Variants in PKHD1 observed in about 807,000 individuals in gnomAD.
The protein encoded by PKHD1 is PKHD1 ciliary IPT domain containing fibrocystin/polyductin, also known as fibrocystin.
Under a neutral mutation model 412.0 loss-of-function variants are expected in PKHD1, and 291 were observed. The ratio of observed to expected loss-of-function variants is 0.71; its 90% CI spans 0.64 to 0.78. The LOEUF is 0.78. Ranked by LOEUF, PKHD1 falls within the 30% of genes least tolerant of loss-of-function variation. The pLI is 0.00. For synonymous variants in PKHD1, 1,777 were observed against 1,821.5 expected (o/e 0.98, Z 0.62); for missense variants, 4,825 against 4,950.7 (o/e 0.97, Z 0.76).
chr6:51,763,220 C>G (rs1235888830), intron 55 of PKHD1, among the ~76,000 whole-genome samples: 2 of 151,938 alleles, frequency 1.3e-5, no homozygotes, highest in Non-Finnish European at 2.9e-5. Flanking sequence ...GTTTTCATAT[C>G]CATAAAATGC....
In PKHD1 at chr6:51,618,891, T is replaced by C. The variant is rs2150237690; in HGVS notation, c.*190A>G. On this transcript the variant is annotated 3_prime_UTR_variant, in exon 67 of 67. Transcript: ENST00000371117. The stretch of plus-strand genomic sequence containing the variant: ...CTAGGATCATGATAGCTGCAAAATA[T>C]GTATGAGACATTTTTCAGTCTGTAA... 1.6e-6 allele frequency: 1 copy of C among 629,880 alleles called. No individual in the cohort carries two copies. Among genetic ancestry groups the C allele is most frequent in the South Asian group, 1.9e-5 (1 of 53,218 alleles). The allele number at this position is 629,880 out of a possible 1,614,324, so 39.0% of individuals were successfully genotyped here.
At position 52,025,851 on chromosome 6, in the gene PKHD1, C is replaced by A. The variant is rs1235310911; in HGVS notation, c.3959G>T (p.Gly1320Val). The A allele has an allele frequency of 2.5e-6, 4 of 1,614,024 alleles. No individual in the cohort carries two copies. Among genetic ancestry groups the A allele is most frequent in the Non-Finnish European group, 3.4e-6 (4 of 1,180,038 alleles). Residue 1320 changes from glycine to valine, a missense_variant, in exon 32 of 67, where the codon GGA (glycine) becomes GTA (valine). Coordinates refer to ENST00000371117, the MANE Select transcript of PKHD1 (RefSeq NM_138694.4). ...GACTGAGTTGGAGAGGTTACTTCCT[C>A]CCACATGCAGGCTCAGGCTGCTATT... is the stretch of plus-strand genomic sequence containing the variant. ...ITNSSLSLHVGGSNLSNSVIL... is the reference protein window; with the variant it reads ...ITNSSLSLHVVGSNLSNSVIL...
At position 52,035,578 on chromosome 6, in the gene PKHD1, G is replaced by A. The variant is rs753873714; in HGVS notation, c.3228+13C>T. On this transcript the variant is annotated intron_variant, in intron 28 of 66. Transcript: ENST00000371117. The stretch of plus-strand genomic sequence containing the variant: ...CACCCAGAGAGAAAGAGATATGAAA[G>A]GAATCCACTTACCCTGGGTGGAACT... 4 of 1,612,096 alleles carry A rather than the reference G, an allele frequency of 2.5e-6. No homozygotes were observed. In the African/African-American group the frequency reaches 4.0e-5, roughly 16 times the overall value.
chr6:51,780,113 T>C (rs1791731217), intron 53 of PKHD1, among the ~76,000 whole-genome samples: 1 of 152,062 alleles, frequency 6.6e-6, no homozygotes, highest in Admixed American at 6.6e-5. Context: ...AGCAGCCAGA[T>C]GTGGTGGCTC....
At chr6:52,027,108 A>T (rs576479217) in intron 31 of PKHD1, among the ~76,000 whole-genome samples, 1 of 152,338 alleles carries the variant, frequency 6.6e-6, no homozygotes, top group South Asian at 2.1e-4. Context: ...GAAGACCCGC[A>T]GATTCAATCC....
At chr6:51,676,709 T>A (rs1775912085) in intron 60 of PKHD1, among the ~76,000 whole-genome samples, 1 of 152,208 alleles carries the variant, frequency 6.6e-6, no homozygotes, top group African/African-American at 2.4e-5. Flanking sequence ...CCTCAGGCTA[T>A]GAGGAGTGAA....
intron 53 of PKHD1, among the ~76,000 whole-genome samples, chr6:51,778,223 C>T (rs1049949927): frequency 1.3e-5 from 2 of 152,064 alleles, no homozygotes; most frequent in South Asian, 2.1e-4. Flanking sequence ...ATACGCAGCT[C>T]ATCCTTGGTT....
intron 34 of PKHD1, among the ~76,000 whole-genome samples, chr6:52,013,561 C>A (rs1800068505): frequency 6.6e-6 from 1 of 151,936 alleles, no homozygotes. Flanking sequence ...GCACAGTTGG[C>A]CATATTTAAA....
At chr6:51,849,327 C>T (rs186745401) in intron 49 of PKHD1, among the ~76,000 whole-genome samples, 8 of 152,190 alleles carry the variant, frequency 5.3e-5, no homozygotes, top group Non-Finnish European at 8.8e-5. Context: ...CATGTCTTTG[C>T]TATTGTAAAT....
intron 57 of PKHD1, among the ~76,000 whole-genome samples, chr6:51,751,957 TCAG>T (rs1786183592): frequency 6.6e-6 from 1 of 152,194 alleles, no homozygotes; most frequent in Non-Finnish European, 1.5e-5. Context: ...GATTTAAGGA[TCAG>T]CATTGTTAGA....
At chr6:51,679,938 A>C (rs915591768) in intron 60 of PKHD1, among the ~76,000 whole-genome samples, 1 of 151,970 alleles carries the variant, frequency 6.6e-6, no homozygotes, top group Non-Finnish European at 1.5e-5. Flanking sequence ...CTCTGGAGCA[A>C]ACTGCCTAGG....
Position 52,025,021 on chromosome 6 carries a change from C to T in PKHD1, c.4789G>A (p.Gly1597Ser), listed in dbSNP as rs1422530615. ...GGSLLTIEGTGLRGQNTTSVY... is the reference protein window; with the variant it reads ...GGSLLTIEGTSLRGQNTTSVY... ...GACGTGGTGTTCTGTCCTCTCAGGC[C>T]TGTGCCCTCTATGGTCAAGAGGCTT... is the stretch of plus-strand genomic sequence containing the variant. Residue 1597 changes from glycine to serine, a missense_variant, in exon 32 of 67, where the codon GGC becomes AGC. Physicochemically the swap from Gly to Ser is moderately conservative, Grantham distance 56 (BLOSUM62 0). Transcript: ENST00000371117. 3 of 1,614,058 alleles carry T rather than the reference C, an allele frequency of 1.9e-6. No homozygotes were observed. Among genetic ancestry groups the T allele is most frequent in the East Asian group, 4.5e-5 (2 of 44,892 alleles).
At position 51,906,229 on chromosome 6, in the gene PKHD1, T is replaced by C; in HGVS notation, c.6794A>G (p.His2265Arg). 1 of 1,612,138 alleles carries C rather than the reference T, an allele frequency of 6.2e-7. No homozygotes were observed. Among genetic ancestry groups the C allele is most frequent in the Non-Finnish European group, 8.5e-7 (1 of 1,178,456 alleles). ...GTTTTACTTACCAACTAGCAGCGCA[T>C]GACCTAAAATATTGTAGAATACATT... ...DSNVFYNILG[H>R]ALLVGTCTEM... The change falls in exon 41 of 67, where the codon CAT becomes CGT. Residue 2265 changes from histidine (H) to arginine (R), a missense_variant. Transcript: ENST00000371117.
chr6:51,834,696 G>A (rs1230509899), intron 51 of PKHD1, among the ~76,000 whole-genome samples: 1 of 152,140 alleles, frequency 6.6e-6, no homozygotes, highest in Non-Finnish European at 1.5e-5. Flanking sequence ...GCAATGTCTT[G>A]AAAGTATGTT....
At position 51,783,878 on chromosome 6, in the gene PKHD1, T is replaced by C. The variant is rs192969154; in HGVS notation, c.8440+7358A>G. 1.4e-3 allele frequency among the ~76,000 whole-genome samples: 217 copies of C among 152,274 alleles called. 1 individual carries two copies. Among genetic ancestry groups the C allele is most frequent in the Middle Eastern group, 0.01 (3 of 294 alleles). On this transcript the variant is annotated intron_variant, in intron 53 of 66. Coordinates refer to ENST00000371117, the MANE Select transcript of PKHD1 (RefSeq NM_138694.4). ...TTTCCTTTCACATAGGGGATAAATA[T>C]ATTGTAGTCATTTAAACATTAACAC...
intron 40 of PKHD1, 121 bp from the exon 41 acceptor site, chr6:51,906,461 TAAG>T: frequency 1.2e-6 from 1 of 800,364 alleles, no homozygotes; most frequent in Non-Finnish European, 2.1e-6. Flanking sequence ...ACTCAGGAGA[TAAG>T]AAGTTAGAAG....
At chr6:52,022,665 TA>T in intron 33 of PKHD1, 135 bp downstream of exon 33, 1 of 822,646 alleles carries the variant, frequency 1.2e-6, no homozygotes, top group Non-Finnish European at 2.0e-6. Flanking sequence ...AGATGAGGAG[TA>T]GAGAAATTCT....
chr6:52,073,341 A>G (rs1239947566), intron 7 of PKHD1, 122 bp downstream of exon 7: 1 of 789,348 alleles, frequency 1.3e-6, no homozygotes, highest in Non-Finnish European at 2.3e-6. Context: ...CATAAACTGC[A>G]AAAAGGAAAA....
At position 51,870,728 on chromosome 6, in the gene PKHD1, T is replaced by C. The variant is rs116731295; in HGVS notation, c.7351-89A>G. ...CATAATGCATGAATAAAAACAAAGA[T>C]AAAAAAGCGAGCTATTGACTAAGAG... On this transcript the variant is annotated intron_variant, in intron 46 of 66. Transcript: ENST00000371117. 2,569 of 1,063,702 alleles carry C rather than the reference T, an allele frequency of 2.4e-3. 46 individuals carry two copies. The African/African-American group carries it at 0.034, about 14-fold the overall frequency. The allele number at this position is 1,063,702 out of a possible 1,614,324, so 65.9% of individuals were successfully genotyped here.
Sources: allele counts gnomAD v4.1 joint callset (sites outside exome capture counted in the v4.1 genomes callset), GRCh38; gene constraint gnomAD v4.1.1; transcripts MANE v1.5; gene names NCBI Gene and HGNC (gene_info 2026-07-23, HGNC 2026-07-21).